The following MBTD1 variants were observed in gnomAD, a reference collection of about 807,000 sequenced individuals.
The protein encoded by MBTD1 is mbt domain containing 1, also known as MBT domain-containing protein 1.
A neutral mutation model predicts 87.8 loss-of-function variants in MBTD1; 24 were observed. The ratio of observed to expected loss-of-function variants is 0.27; its 90% CI spans 0.20 to 0.38. MBTD1 has a LOEUF of 0.38. MBTD1 is among the 10% of genes least tolerant of loss of function. MBTD1 has a pLI of 1.00. For missense variants in MBTD1, 436 were observed against 760.2 expected (o/e 0.57, Z 5.02); for synonymous variants, 237 against 248.6 (o/e 0.95, Z 0.44).
At chr17:51,195,150 A>G in intron 13 of MBTD1, 64 bp downstream of exon 13, 2 of 1,487,288 alleles carry the variant, frequency 1.3e-6, no homozygotes, top group Non-Finnish European at 1.8e-6. Flanking sequence ...TAAATGTTGT[A>G]AACAAAAACC....
intron 6 of MBTD1, among the ~76,000 whole-genome samples, chr17:51,211,369 T>C (rs140473225): frequency 5.1e-4 from 77 of 151,720 alleles, no homozygotes; most frequent in Non-Finnish European, 7.1e-4. Context: ...TATCTGGGCA[T>C]GGTGGTGTGT....
chr17:51,206,124 A>G (rs961734324), intron 7 of MBTD1, among the ~76,000 whole-genome samples: 1 of 152,170 alleles, frequency 6.6e-6, no homozygotes, highest in African/African-American at 2.4e-5. Flanking sequence ...CACATTGTCT[A>G]CCATAGTAGA....
At position 51,250,909 on chromosome 17, in the gene MBTD1, T is replaced by C. The variant is rs561179154; in HGVS notation, c.-49+8234A>G. On this transcript the variant is annotated intron_variant, in intron 2 of 16. Coordinates refer to ENST00000586178, the MANE Select transcript of MBTD1 (RefSeq NM_017643.3). The stretch of plus-strand genomic sequence containing the variant: ...TTTTCCTGCTTTTCTTCAAGACTTT[T>C]TATTAAATTTGAATTTGAAATGTGG... 6 of 152,356 alleles carry C rather than the reference T, an allele frequency of 3.9e-5. No homozygotes were observed. In the South Asian group the frequency reaches 1.0e-3, roughly 26 times the overall value. 9.4% of individuals were successfully genotyped at this position (152,356 alleles called of 1,614,324 possible).
At chr17:51,251,458 T>C (rs762039316) in intron 2 of MBTD1, 6 of 152,246 alleles carry the variant, frequency 3.9e-5, no homozygotes, top group Non-Finnish European at 7.3e-5. Flanking sequence ...TCTCCATACA[T>C]AGAGCTGTGA....
chr17:51,247,670 A>C (rs555265957), intron 2 of MBTD1, among the ~76,000 whole-genome samples: 19 of 152,114 alleles, frequency 1.2e-4, no homozygotes, highest in Admixed American at 1.1e-3. Flanking sequence ...GGCCAATCTC[A>C]AACTCCTGGG....
intron 2 of MBTD1, among the ~76,000 whole-genome samples, chr17:51,255,941 G>A (rs2055063790): frequency 6.6e-6 from 1 of 152,128 alleles, no homozygotes; most frequent in Non-Finnish European, 1.5e-5. Flanking sequence ...AAATCACTAT[G>A]CTTAGCACCA....
chr17:51,197,077 T>TGGAGG (rs2051167205), intron 12 of MBTD1, among the ~76,000 whole-genome samples: 1 of 11,456 alleles, frequency 8.7e-5, no homozygotes, highest in Non-Finnish European at 1.5e-4. Context: ...TATATATATA[T>TGGAGG]ATATATATAT....
At chr17:51,236,378 T>C (rs551775747) in intron 2 of MBTD1, among the ~76,000 whole-genome samples, 1 of 152,170 alleles carries the variant, frequency 6.6e-6, no homozygotes, top group South Asian at 2.1e-4. Flanking sequence ...CCTGAGTGGC[T>C]AGGATTACAG....
intron 6 of MBTD1, among the ~76,000 whole-genome samples, chr17:51,207,214 T>A (rs760151885): frequency 6.6e-6 from 1 of 152,244 alleles, no homozygotes; most frequent in Non-Finnish European, 1.5e-5. Context: ...ACTAGATTCA[T>A]GCTGACTTCA....
chr17:51,203,421 T>G (rs2051609788), intron 8 of MBTD1, among the ~76,000 whole-genome samples, 193 bp from the exon 9 acceptor site: 1 of 152,202 alleles, frequency 6.6e-6, no homozygotes, highest in South Asian at 2.1e-4. Flanking sequence ...TTTAATTTCT[T>G]TCTTTTTTTT....
At position 51,180,006 on chromosome 17, in the gene MBTD1, T is replaced by C. The variant is rs1207100925; in HGVS notation, c.*570A>G. On this transcript the variant is annotated 3_prime_UTR_variant, in exon 17 of 17. Transcript: ENST00000586178. ...AATGAAAAATATTTCTGTACAAACA[T>C]TTAAAATGGGCTGCAATAAAATGCC... 1 of 152,162 alleles carries C rather than the reference T, an allele frequency of 6.6e-6. No individual in the cohort carries two copies. The highest frequency in any genetic ancestry group is 1.5e-5 in the Non-Finnish European group (1 of 68,030). The allele number at this position is 152,162 out of a possible 1,614,324, so 9.4% of individuals were successfully genotyped here.
chr17:51,214,467 A>C (rs2052452437), intron 6 of MBTD1, among the ~76,000 whole-genome samples: 1 of 152,184 alleles, frequency 6.6e-6, no homozygotes, highest in African/African-American at 2.4e-5. Flanking sequence ...CATGGAAAGA[A>C]GAATTATATT....
At chr17:51,235,601 A>G (rs2053787143) in intron 2 of MBTD1, among the ~76,000 whole-genome samples, 1 of 152,224 alleles carries the variant, frequency 6.6e-6, no homozygotes. Flanking sequence ...CCATATAATC[A>G]CCTTGAAATA....
intron 6 of MBTD1, among the ~76,000 whole-genome samples, chr17:51,212,978 T>G (rs952930780): frequency 1.3e-5 from 2 of 152,194 alleles, no homozygotes; most frequent in African/African-American, 4.8e-5. Context: ...TCCGCCTGCC[T>G]CGGCCTCCCA....
chr17:51,206,830 T>A (rs1351114997), intron 7 of MBTD1, 58 bp downstream of exon 7: 3 of 1,172,298 alleles, frequency 2.6e-6, no homozygotes, highest in African/African-American at 1.5e-5. Context: ...ATGCTTTTTT[T>A]ACGAAAGGTT....
chr17:51,188,950 G>A (rs1015337157), intron 16 of MBTD1, among the ~76,000 whole-genome samples: 2 of 151,934 alleles, frequency 1.3e-5, no homozygotes, highest in South Asian at 2.1e-4. Context: ...TAGAGACGGG[G>A]TTTCTCCATG....
chr17:51,259,656 G>T (rs966658492), intron 1 of MBTD1, among the ~76,000 whole-genome samples, 179 bp downstream of exon 1: 1 of 146,852 alleles, frequency 6.8e-6, no homozygotes, highest in African/African-American at 2.5e-5. Context: ...TGGGGGGAGG[G>T]GAACCCCTGA....
intron 7 of MBTD1, among the ~76,000 whole-genome samples, chr17:51,206,286 A>T (rs1598331731): frequency 6.6e-6 from 1 of 152,218 alleles, no homozygotes; most frequent in East Asian, 1.9e-4. Context: ...TTATTTTTTT[A>T]AAATGGAGAA....
At chr17:51,187,938 A>G (rs991518773) in intron 16 of MBTD1, among the ~76,000 whole-genome samples, 3 of 152,150 alleles carry the variant, frequency 2.0e-5, no homozygotes, top group African/African-American at 7.2e-5. Flanking sequence ...CAGATGACAG[A>G]ATAAACCGAG....
Sources: gnomAD v4.1 joint callset for allele counts (sites outside exome capture counted in the v4.1 genomes callset) on GRCh38, gnomAD v4.1.1 for gene constraint, MANE v1.5 for transcripts, NCBI Gene and HGNC (gene_info 2026-07-23, HGNC 2026-07-21) for gene names.